EPHB2: variants seen among roughly 807,000 people sequenced by gnomAD.
The protein encoded by EPHB2 is ephrin type-B receptor 2.
Under a neutral mutation model 96.4 loss-of-function variants are expected in EPHB2, and 18 were observed. The observed-to-expected ratio is 0.19, with a 90% CI of 0.13 to 0.28. The LOEUF is 0.28. Ranked by LOEUF, EPHB2 falls within the 10% of genes least tolerant of loss-of-function variation. The pLI, the probability that EPHB2 is intolerant of heterozygous loss-of-function variation, is 1.00. For missense variants in EPHB2, 989 were observed against 1,355.4 expected, an observed-to-expected ratio of 0.73 and a Z score of 4.25; for synonymous variants, 506 against 534.1, an observed-to-expected ratio of 0.95 and a Z score of 0.72.
Position 22,875,717 on chromosome 1 carries a change from TC to T in EPHB2, c.1304-6641del, listed in dbSNP as rs1302640226. ...CACCTACTCCAAGCCACACACTGTT[TC>T]AGGCTCTGGGGATAAAGGATTGAAT... is the stretch of plus-strand genomic sequence containing the variant. On this transcript the variant is annotated intron_variant, in intron 5 of 15. Transcript: ENST00000374630. This position sits in a 1 kb window ranked among gnomAD's most constrained non-coding sequence, Gnocchi z 4.2. Among the ~76,000 whole-genome samples, 2 of 152,184 alleles carry T rather than the reference TC, an allele frequency of 1.3e-5. No individual in the cohort carries two copies. The highest frequency in any genetic ancestry group is 2.4e-5 in the African/African-American group (1 of 41,442).
At chr1:22,782,707 C>G (rs1644552721) in intron 2 of EPHB2, among the ~76,000 whole-genome samples, 1 of 152,034 alleles carries the variant, frequency 6.6e-6, no homozygotes, top group Admixed American at 6.6e-5. Context: ...ATTAAGTGTT[C>G]TAATTAAGTT....
intron 14 of EPHB2, among the ~76,000 whole-genome samples, chr1:22,911,083 T>G (rs1393643212): frequency 6.6e-6 from 1 of 151,762 alleles, no homozygotes; most frequent in Non-Finnish European, 1.5e-5. Context: ...GAGGTTGCAG[T>G]GAGCTGAGAT....
chr1:22,787,612 C>T (rs1644631121), intron 3 of EPHB2, among the ~76,000 whole-genome samples: 1 of 152,036 alleles, frequency 6.6e-6, no homozygotes, highest in Non-Finnish European at 1.5e-5. Context: ...AAAAAATTAG[C>T]CAGGTGTGGT....
At chr1:22,762,731 T>C (rs755426114) in intron 1 of EPHB2, among the ~76,000 whole-genome samples, 3 of 152,196 alleles carry the variant, frequency 2.0e-5, no homozygotes, top group Non-Finnish European at 4.4e-5. Flanking sequence ...GTGCCTGGCA[T>C]GGGCAGGGAC....
At chr1:22,781,377 C>T (rs868257031) in intron 1 of EPHB2, 44 bp from the exon 2 acceptor site, 1 of 1,592,288 alleles carries the variant, frequency 6.3e-7, no homozygotes, top group Admixed American at 1.7e-5. Context: ...ATTGACAGCG[C>T]CTGGTAGGTG....
chr1:22,802,018 C>T (rs1175762623), intron 3 of EPHB2, among the ~76,000 whole-genome samples: 7 of 152,156 alleles, frequency 4.6e-5, no homozygotes, highest in South Asian at 2.1e-4. Flanking sequence ...CTGGGCCCTG[C>T]GCAGGGCTTT....
intron 1 of EPHB2, among the ~76,000 whole-genome samples, chr1:22,777,796 C>G (rs1644473885): frequency 6.6e-6 from 1 of 152,102 alleles, no homozygotes; most frequent in Non-Finnish European, 1.5e-5. Flanking sequence ...TTCAGGGGCA[C>G]CTAGTAAGCC....
intron 8 of EPHB2, 38 bp downstream of exon 8, chr1:22,895,618 C>A: frequency 1.3e-6 from 2 of 1,568,486 alleles, no homozygotes; most frequent in South Asian, 1.1e-5. Context: ...GCCTGGCTGT[C>A]CCAGATGGCT....
chr1:22,835,295 G>A (rs756819954), intron 3 of EPHB2, among the ~76,000 whole-genome samples: 3 of 151,880 alleles, frequency 2.0e-5, no homozygotes, highest in Non-Finnish European at 4.4e-5. Context: ...CCAGAGGGTC[G>A]CTTGAGCCTG....
At chr1:22,898,645 C>T (rs1174808208) in intron 9 of EPHB2, among the ~76,000 whole-genome samples, 6 of 152,170 alleles carry the variant, frequency 3.9e-5, no homozygotes, top group Non-Finnish European at 8.8e-5. Context: ...ACTTCTCTGG[C>T]TGCTGTCTGG....
intron 3 of EPHB2, among the ~76,000 whole-genome samples, chr1:22,813,405 T>C (rs1304775260): frequency 7.9e-5 from 12 of 152,084 alleles, no homozygotes; most frequent in Admixed American, 7.9e-4. Flanking sequence ...GGGGTGAAGT[T>C]GGGCATCTGA....
At position 22,784,330 on chromosome 1, in the gene EPHB2, A is replaced by G; in HGVS notation, c.127-62A>G. The G allele has an allele frequency of 6.5e-7, 1 of 1,533,844 alleles. No homozygotes were observed. The highest frequency in any genetic ancestry group is 9.0e-7 in the Non-Finnish European group (1 of 1,110,690). On this transcript the variant is annotated intron_variant, in intron 2 of 15. Transcript: ENST00000374630. This position sits in a 1 kb window ranked among gnomAD's most constrained non-coding sequence, Gnocchi z 5.1. Reference sequence around the variant, plus strand: ...AGGCAGAGTCTGTGTCTTCCACCTTAGACTGAGTGTGTGCTGGGGCTGAGC... The same window carrying G: ...AGGCAGAGTCTGTGTCTTCCACCTTGGACTGAGTGTGTGCTGGGGCTGAGC...
At chr1:22,884,996 C>T (rs895086112) in intron 6 of EPHB2, among the ~76,000 whole-genome samples, 103 of 152,126 alleles carry the variant, frequency 6.8e-4, no homozygotes, top group Admixed American at 6.7e-3. Context: ...GCGCCTGGCA[C>T]ACAGTAGGTA....
rs1476838303 is a variant in EPHB2, at chr1:22,908,024, C to T, written c.2208C>T (p.Tyr736=). The T allele has an allele frequency of 6.2e-7, 1 of 1,614,118 alleles. No homozygotes were observed. The highest frequency in any genetic ancestry group is 1.3e-5 in the African/African-American group (1 of 74,928). ...GGGGCATCGCAGCTGGCATGAAGTA[C>T]CTGGCAGACATGAACTATGTTCACC... is the stretch of plus-strand genomic sequence containing the variant. ...MLRGIAAGMK[Y]LADMNYVHRD... is the part of the protein sequence containing the mutation. The change falls in exon 12 of 16, where the codon TAC becomes TAT. Residue 736 remains tyrosine, a synonymous_variant. Transcript: ENST00000374630.
chr1:22,751,343 T>G (rs1390741742), intron 1 of EPHB2, among the ~76,000 whole-genome samples: 5 of 152,166 alleles, frequency 3.3e-5, no homozygotes, highest in African/African-American at 4.8e-5. Flanking sequence ...CACAGAGGTG[T>G]GCTCACCTGC....
At chr1:22,737,459 C>T (rs1274021985) in intron 1 of EPHB2, among the ~76,000 whole-genome samples, 1 of 152,192 alleles carries the variant, frequency 6.6e-6, no homozygotes, top group Non-Finnish European at 1.5e-5. Context: ...TTCATACATA[C>T]ATGTTATAAA....
chr1:22,793,322 G>A (rs1458360209), intron 3 of EPHB2, among the ~76,000 whole-genome samples: 3 of 152,120 alleles, frequency 2.0e-5, no homozygotes, highest in East Asian at 1.9e-4. Flanking sequence ...ACCGTCCCTC[G>A]GGCTGCCAGT....
chr1:22,896,495 G>C lies in EPHB2; in HGVS notation c.1765+17G>C. The C allele has an allele frequency of 6.2e-7, 1 of 1,614,060 alleles. No homozygotes were observed. The highest frequency in any genetic ancestry group is 1.3e-5 in the African/African-American group (1 of 75,042). On this transcript the variant is annotated intron_variant, in intron 9 of 15. Transcript: ENST00000374630. Reference sequence around the variant, plus strand: ...GTGGCCACAGTATGTACACACCCAAGCGGGCTGGAACCCTTGGGCCCTTCA... The same window carrying C: ...GTGGCCACAGTATGTACACACCCAACCGGGCTGGAACCCTTGGGCCCTTCA...
At position 22,829,714 on chromosome 1, in the gene EPHB2, G is replaced by A. The variant is rs555431832; in HGVS notation, c.812-33323G>A. 2.6e-5 allele frequency among the ~76,000 whole-genome samples: 4 copies of A among 152,288 alleles called. No homozygotes were observed. In the South Asian group the frequency reaches 8.3e-4, roughly 32 times the overall value. On this transcript the variant is annotated intron_variant, in intron 3 of 15. Coordinates refer to ENST00000374630, the MANE Select transcript of EPHB2 (RefSeq NM_017449.5). The stretch of plus-strand genomic sequence containing the variant: ...ACACAGAGGAAGTGCTGTGGGGGTT[G>A]GGGATGGTGGGGATGGCCAGGGCAT...
Sources: gnomAD v4.1 joint callset for allele counts (sites outside exome capture counted in the v4.1 genomes callset) on GRCh38, gnomAD v4.1.1 for gene constraint, Gnocchi (gnomAD v3.1) non-coding constraint, MANE v1.5 for transcripts, NCBI Gene and HGNC (gene_info 2026-07-23, HGNC 2026-07-21) for gene names.